Variants in FAM171A1 observed in about 807,000 individuals in gnomAD.
The protein encoded by FAM171A1 is protein FAM171A1.
In FAM171A1, 23 loss-of-function variants were observed where a neutral mutation model predicts 74.9. The observed-to-expected ratio is 0.31, with a 90% confidence interval of 0.22 to 0.44. The LOEUF (loss-of-function observed/expected upper bound fraction) is 0.44. Among genes scored for constraint, FAM171A1 ranks in the 20% least tolerant of loss-of-function variants. The pLI is 1.00. For missense variants in FAM171A1, 1,162 were observed against 1,159.2 expected, an observed-to-expected ratio of 1.00 and a Z score of -0.03; for synonymous variants, 527 against 505.7, an observed-to-expected ratio of 1.04 and a Z score of -0.57.
chr10:15,319,255 T>A (rs1017514885), intron 1 of FAM171A1, among the ~76,000 whole-genome samples: 4 of 152,106 alleles, frequency 2.6e-5, no homozygotes, highest in Non-Finnish European at 5.9e-5. Context: ...AAAGTCCACG[T>A]TCACCAGAGA....
chr10:15,320,970 G>A (rs1835479805), intron 1 of FAM171A1, among the ~76,000 whole-genome samples: 1 of 152,170 alleles, frequency 6.6e-6, no homozygotes, highest in Non-Finnish European at 1.5e-5. Flanking sequence ...AGAGTTTAAT[G>A]GGGATGTAAC....
intron 1 of FAM171A1, among the ~76,000 whole-genome samples, chr10:15,304,139 C>T (rs530499889): frequency 2.6e-5 from 4 of 152,316 alleles, no homozygotes; most frequent in Admixed American, 2.6e-4. Context: ...AATCCTCAAC[C>T]CTTCATTCTG....
chr10:15,282,219 C>T (rs1834979302), intron 2 of FAM171A1, among the ~76,000 whole-genome samples: 1 of 151,958 alleles, frequency 6.6e-6, no homozygotes, highest in South Asian at 2.1e-4. Flanking sequence ...GCTGGGATTA[C>T]AGGCATGATT....
chr10:15,281,510 T>A (rs1007374124), intron 2 of FAM171A1, among the ~76,000 whole-genome samples: 1 of 152,228 alleles, frequency 6.6e-6, no homozygotes, highest in Non-Finnish European at 1.5e-5. Context: ...GGTGTCTTCA[T>A]GCCTTGTCCA....
chr10:15,267,733 T>G (rs909303082), intron 3 of FAM171A1, among the ~76,000 whole-genome samples: 1 of 151,208 alleles, frequency 6.6e-6, no homozygotes. Context: ...CTGTAGAGAC[T>G]TGAGAGGAGA....
chr10:15,249,055 C>G (rs1396930462), intron 4 of FAM171A1, among the ~76,000 whole-genome samples: 1 of 151,202 alleles, frequency 6.6e-6, no homozygotes, highest in Non-Finnish European at 1.5e-5. Flanking sequence ...GGCATACACT[C>G]AGTATGGGCT....
intron 5 of FAM171A1, among the ~76,000 whole-genome samples, chr10:15,242,404 C>T (rs375991941): frequency 6.6e-6 from 1 of 152,182 alleles, no homozygotes; most frequent in South Asian, 2.1e-4. Flanking sequence ...GAATGACTAT[C>T]CACAAACGTT....
Position 15,273,508 on chromosome 10 carries a change from T to C in FAM171A1, c.418+2347A>G, listed in dbSNP as rs533691122. Reference sequence around the variant, plus strand: ...TTCCTTGTAAAACTATTCCAATCAATAGAAAAAGAGGGAATCTTCCCTAAC... The same window carrying C: ...TTCCTTGTAAAACTATTCCAATCAACAGAAAAAGAGGGAATCTTCCCTAAC... On this transcript the variant is annotated intron_variant, in intron 3 of 7. Coordinates refer to ENST00000378116, the MANE Select transcript of FAM171A1 (RefSeq NM_001010924.2). 3.3e-5 allele frequency among the ~76,000 whole-genome samples: 5 copies of C among 152,170 alleles called. 1 individual carries two copies. Among genetic ancestry groups the C allele is most frequent in the South Asian group, 2.1e-4 (1 of 4,816 alleles).
At position 15,357,151 on chromosome 10, in the gene FAM171A1, C is replaced by T. The variant is rs147070467; in HGVS notation, c.97+13805G>A. Reference sequence around the variant, plus strand: ...AAAACATATTAGCCAGGCATGGTGGCGGGCGCCTGTAATCCCAGCTACTCG... The same window carrying T: ...AAAACATATTAGCCAGGCATGGTGGTGGGCGCCTGTAATCCCAGCTACTCG... On this transcript the variant is annotated intron_variant, in intron 1 of 7. Transcript: ENST00000378116. Among the ~76,000 whole-genome samples the T allele has an allele frequency of 4.7e-3, 698 of 147,434 alleles. 5 individuals are homozygous for T. Among genetic ancestry groups the T allele is most frequent in the African/African-American group, 0.016 (636 of 39,718 alleles).
At position 15,310,026 on chromosome 10, in the gene FAM171A1, C is replaced by G. The variant is rs141994695; in HGVS notation, c.98-25921G>C. Among the ~76,000 whole-genome samples the G allele has an allele frequency of 3.9e-5, 6 of 152,290 alleles. No individual in the cohort carries two copies. The East Asian group carries it at 9.6e-4, about 24-fold the overall frequency. The stretch of plus-strand genomic sequence containing the variant: ...AAGTTGTCTTTGGGTGTAGGACGCA[C>G]TAGCCTAAAACTAAAAAAGTTGGGC... On this transcript the variant is annotated intron_variant, in intron 1 of 7. Transcript: ENST00000378116.
At chr10:15,256,589 C>T (rs1834583330) in intron 3 of FAM171A1, among the ~76,000 whole-genome samples, 1 of 152,222 alleles carries the variant, frequency 6.6e-6, no homozygotes, top group African/African-American at 2.4e-5. Flanking sequence ...AGCTCCAGAC[C>T]ATCGATTCCC....
At chr10:15,298,386 G>A (rs1255599376) in intron 1 of FAM171A1, among the ~76,000 whole-genome samples, 3 of 151,536 alleles carry the variant, frequency 2.0e-5, no homozygotes, top group East Asian at 1.9e-4. Flanking sequence ...CGCCTGCCTC[G>A]GCCTCCCAAA....
At chr10:15,222,295 T>C (rs1166601285) in intron 5 of FAM171A1, among the ~76,000 whole-genome samples, 1 of 152,144 alleles carries the variant, frequency 6.6e-6, no homozygotes, top group Non-Finnish European at 1.5e-5. Flanking sequence ...ATTCTGAAAA[T>C]GCATTGTTCA....
At position 15,368,561 on chromosome 10, in the gene FAM171A1, C is replaced by T. The variant is rs9329346; in HGVS notation, c.97+2395G>A. On this transcript the variant is annotated intron_variant, in intron 1 of 7. Coordinates refer to ENST00000378116, the MANE Select transcript of FAM171A1 (RefSeq NM_001010924.2). ...CAAATTAGCTTTTGGGGAAGGTAAA[C>T]ATTGAACTTTTCTTCTTAAAATGCA... Among the ~76,000 whole-genome samples the T allele has an allele frequency of 8.7e-3, 1,328 of 152,216 alleles. 19 individuals are homozygous for T. Among genetic ancestry groups the T allele is most frequent in the African/African-American group, 0.03 (1,249 of 41,532 alleles).
At chr10:15,282,614 C>T (rs1053018737) in intron 2 of FAM171A1, among the ~76,000 whole-genome samples, 1 of 152,176 alleles carries the variant, frequency 6.6e-6, no homozygotes, top group African/African-American at 2.4e-5. Context: ...TGTAGCTGTT[C>T]TCCTGAAACA....
At chr10:15,274,011 CAT>C (rs967759162) in intron 3 of FAM171A1, among the ~76,000 whole-genome samples, 11 of 152,244 alleles carry the variant, frequency 7.2e-5, no homozygotes, top group African/African-American at 2.6e-4. Flanking sequence ...TCCTGTTCAA[CAT>C]AGTGTTGGAA....
rs751132956 is a variant in FAM171A1, at chr10:15,213,485, C to T, written c.2103G>A (p.Pro701=). The T allele has an allele frequency of 3.1e-5, 50 of 1,614,002 alleles. No individual in the cohort carries two copies. In the Admixed American group the frequency reaches 5.2e-4, roughly 17 times the overall value. Residue 701 remains proline, a synonymous_variant, in exon 8 of 8, where the codon CCG becomes CCA. Coordinates refer to ENST00000378116, the MANE Select transcript of FAM171A1 (RefSeq NM_001010924.2). This position sits in a 1 kb window ranked among gnomAD's most constrained non-coding sequence, Gnocchi z 6.8. The part of the protein sequence containing the change: ...KALMELGGGK[P]LPHPRAWFVS... ...CGAACCACGCCCGGGGGTGCGGAAG[C>T]GGCTTCCCACCCCCAAGCTCCATCA... is the stretch of plus-strand genomic sequence containing the variant.
At chr10:15,302,013 G>A (rs1238750956) in intron 1 of FAM171A1, among the ~76,000 whole-genome samples, 1 of 152,162 alleles carries the variant, frequency 6.6e-6, no homozygotes, top group Non-Finnish European at 1.5e-5. Flanking sequence ...TTTGGGTAAT[G>A]TCTTTTGGTT....
rs139022992 is a variant in FAM171A1, at chr10:15,310,236, C to T, written c.98-26131G>A. Among the ~76,000 whole-genome samples the T allele has an allele frequency of 3.5e-3, 535 of 152,188 alleles. 2 individuals are homozygous for T. Among genetic ancestry groups the T allele is most frequent in the African/African-American group, 0.012 (510 of 41,520 alleles). On this transcript the variant is annotated intron_variant, in intron 1 of 7. Coordinates refer to ENST00000378116, the MANE Select transcript of FAM171A1 (RefSeq NM_001010924.2). ...GAGGAACGAAAAATTTTTTAAAATC[C>T]CTAAACAGCATCTTTTTTATGTATG...
Sources: gnomAD v4.1 joint callset for allele counts (sites outside exome capture counted in the v4.1 genomes callset) on GRCh38, gnomAD v4.1.1 for gene constraint, Gnocchi (gnomAD v3.1) non-coding constraint, MANE v1.5 for transcripts, NCBI Gene and HGNC (gene_info 2026-07-23, HGNC 2026-07-21) for gene names.